The following EBF1 variants were observed in gnomAD, a reference collection of about 807,000 sequenced individuals.
The protein encoded by EBF1 is EBF transcription factor 1.
A neutral mutation model predicts 68.4 loss-of-function variants in EBF1; 10 were observed. The ratio of observed to expected loss-of-function variants is 0.15; its 90% confidence interval spans 0.09 to 0.25. The LOEUF (loss-of-function observed/expected upper bound fraction) is 0.25. Ranked by LOEUF, EBF1 falls within the 10% of genes least tolerant of loss-of-function variation. The pLI, the probability that EBF1 is intolerant of heterozygous loss-of-function variation, is 1.00. For synonymous variants in EBF1, 298 were observed against 299.8 expected, an observed-to-expected ratio of 0.99 and a Z score of 0.06; for missense variants, 509 against 794.4, an observed-to-expected ratio of 0.64 and a Z score of 4.32.
intron 6 of EBF1, among the ~76,000 whole-genome samples, chr5:158,915,397 T>C (rs1806934697): frequency 1.3e-5 from 2 of 152,338 alleles, no homozygotes; most frequent in Non-Finnish European, 2.9e-5. Flanking sequence ...AGGATAAATG[T>C]AAGAAGAAAC....
Position 159,099,431 on chromosome 5 carries a change from C to A in EBF1, c.48G>T (p.Lys16Asn). The change falls in exon 1 of 16, where the codon AAG becomes AAT. Residue 16 changes from lysine (K) to asparagine (N), a missense_variant. Physicochemically the swap from Lys to Asn is moderately conservative, Grantham distance 94. Coordinates refer to ENST00000313708, the MANE Select transcript of EBF1 (RefSeq NM_024007.5). The part of the protein sequence containing the change: ...ESIQRSGSSM[K>N]EEPLGSGMNA... ...TCATGCCGCTGCCCAGCGGCTCTTC[C>A]TTCATGCTGCTTCCACTCCGTTGGA... is the stretch of plus-strand genomic sequence containing the variant. The A allele has an allele frequency of 6.2e-7, 1 of 1,600,262 alleles. No homozygotes were observed.
intron 11 of EBF1, among the ~76,000 whole-genome samples, chr5:158,719,999 G>A (rs1028745075): frequency 1.4e-4 from 22 of 152,070 alleles, no homozygotes; most frequent in African/African-American, 5.3e-4. Flanking sequence ...ATACTTCCCT[G>A]TCACTGCACA....
At chr5:158,860,801 C>T (rs146201362) in intron 6 of EBF1, among the ~76,000 whole-genome samples, 13 of 152,148 alleles carry the variant, frequency 8.5e-5, no homozygotes, top group African/African-American at 2.9e-4. Flanking sequence ...TGTGTCTCGG[C>T]GCATAAATCC....
chr5:158,895,116 G>A (rs1267042014), intron 6 of EBF1, among the ~76,000 whole-genome samples: 4 of 152,106 alleles, frequency 2.6e-5, no homozygotes, highest in Admixed American at 1.3e-4. Flanking sequence ...CAGCTGAGGA[G>A]AACAGATGAT....
At chr5:158,892,052 G>A (rs1289708719) in intron 6 of EBF1, among the ~76,000 whole-genome samples, 2 of 152,138 alleles carry the variant, frequency 1.3e-5, no homozygotes, top group East Asian at 3.9e-4. Flanking sequence ...ATCTTCCAAA[G>A]ATATTTCCCT....
chr5:158,699,325 A>G (rs573993961), intron 15 of EBF1, among the ~76,000 whole-genome samples, 183 bp from the exon 16 acceptor site: 2 of 152,318 alleles, frequency 1.3e-5, no homozygotes, highest in East Asian at 3.9e-4. Flanking sequence ...GTGCTTTATT[A>G]AAAATTATAA....
chr5:158,982,796 A>T (rs13156656), intron 6 of EBF1, among the ~76,000 whole-genome samples: 71,735 of 149,686 alleles, frequency 0.48, 17,471 homozygotes, highest in African/African-American at 0.51. Context: ...ATATATATAT[A>T]GTGGTCTAAA....
intron 11 of EBF1, among the ~76,000 whole-genome samples, chr5:158,726,357 G>A (rs1014036022): frequency 2.0e-5 from 3 of 152,126 alleles, no homozygotes; most frequent in Non-Finnish European, 2.9e-5. Flanking sequence ...TAGACACGGT[G>A]AGCTAAATTA....
chr5:158,725,429 G>T (rs1385405677), intron 11 of EBF1, among the ~76,000 whole-genome samples: 1 of 152,164 alleles, frequency 6.6e-6, no homozygotes, highest in Non-Finnish European at 1.5e-5. Context: ...ACAACTTTTT[G>T]CTCCTTGGAC....
At chr5:158,897,302 A>T (rs1209297668) in intron 6 of EBF1, among the ~76,000 whole-genome samples, 8 of 152,156 alleles carry the variant, frequency 5.3e-5, no homozygotes, top group Non-Finnish European at 4.4e-5. Flanking sequence ...ATCCTTAGCA[A>T]ACTAACACAA....
Position 159,096,760 on chromosome 5 carries a change from TCTA to T in EBF1, c.291+211_291+213del, listed in dbSNP as rs1436807547. ...GATTGTAGAGCCAGGCTTGCCTCTC[TCTA>T]GCTCTGGGGGCTCCGTGCGAACTTT... is the stretch of plus-strand genomic sequence containing the variant. On this transcript the variant is annotated intron_variant, in intron 2 of 15. Coordinates refer to ENST00000313708, the MANE Select transcript of EBF1 (RefSeq NM_024007.5). Among the ~76,000 whole-genome samples, 997 of 152,310 alleles carry T rather than the reference TCTA, an allele frequency of 6.5e-3. 12 individuals are homozygous for T. Among genetic ancestry groups the T allele is most frequent in the African/African-American group, 0.022 (935 of 41,562 alleles).
intron 6 of EBF1, among the ~76,000 whole-genome samples, chr5:158,930,425 A>G (rs1321517756): frequency 6.6e-6 from 1 of 152,180 alleles, no homozygotes; most frequent in Non-Finnish European, 1.5e-5. Context: ...GAGCCTGGCC[A>G]TCATGCGGCA....
At position 158,823,230 on chromosome 5, in the gene EBF1, G is replaced by T. The variant is rs776402214; in HGVS notation, c.724C>A (p.Arg242=). 1 of 1,613,874 alleles carries T rather than the reference G, an allele frequency of 6.2e-7. No homozygotes were observed. The highest frequency in any genetic ancestry group is 2.2e-5 in the East Asian group (1 of 44,878). Residue 242 remains arginine (R), a synonymous_variant, in exon 8 of 16, where the codon CGG becomes AGG. Coordinates refer to ENST00000313708, the MANE Select transcript of EBF1 (RefSeq NM_024007.5). ...MFVHNNSKHG[R]RARRLDPSEG... is the part of the protein sequence containing the mutation. ...GAGGGGTCAAGCCTCCGAGCCCTCC[G>T]CCCATGCTTGGAATTATTATGGACA... is the stretch of plus-strand genomic sequence containing the variant.
At chr5:159,095,519 G>T in intron 4 of EBF1, 101 bp downstream of exon 4, 1 of 1,399,556 alleles carries the variant, frequency 7.1e-7, no homozygotes, top group South Asian at 1.2e-5. Context: ...CTGGCTTTTA[G>T]AGTTAGAGTC....
At chr5:158,856,166 A>AGAGAGGGGCCTCT (rs1793964050) in intron 6 of EBF1, among the ~76,000 whole-genome samples, 1 of 152,176 alleles carries the variant, frequency 6.6e-6, no homozygotes, top group South Asian at 2.1e-4. Context: ...ACCAGATGTC[A>AGAGAGGGGCCTCT]GAGAGGGGCC....
intron 2 of EBF1, 75 bp from the exon 3 acceptor site, chr5:159,096,481 A>C (rs1782627805): frequency 6.5e-7 from 1 of 1,543,786 alleles, no homozygotes; most frequent in Middle Eastern, 1.7e-4. Flanking sequence ...CCAACTTTCG[A>C]GGCAACTTTC....
At chr5:158,991,785 T>A (rs1760377369) in intron 6 of EBF1, among the ~76,000 whole-genome samples, 1 of 152,210 alleles carries the variant, frequency 6.6e-6, no homozygotes, top group Admixed American at 6.5e-5. Flanking sequence ...CTTTTGCATA[T>A]AAAATTCAAG....
chr5:158,876,890 A>T (rs895892209), intron 6 of EBF1, among the ~76,000 whole-genome samples: 25 of 151,882 alleles, frequency 1.6e-4, no homozygotes, highest in African/African-American at 4.8e-4. Context: ...TAGGAGGGTA[A>T]CATTTAGAGG....
chr5:158,821,069 C>T (rs1044535047), intron 8 of EBF1, among the ~76,000 whole-genome samples: 1 of 152,186 alleles, frequency 6.6e-6, no homozygotes, highest in Non-Finnish European at 1.5e-5. Context: ...GGCACCAGAG[C>T]GTGTACTTGC....
Sources: allele counts gnomAD v4.1 joint callset (sites outside exome capture counted in the v4.1 genomes callset), GRCh38; gene constraint gnomAD v4.1.1; transcripts MANE v1.5; gene names NCBI Gene and HGNC (gene_info 2026-07-23, HGNC 2026-07-21).